The following PRLR variants were observed in gnomAD, a reference collection of about 807,000 sequenced individuals.
PRLR encodes the protein hPRL receptor.
Under a neutral mutation model 40.2 loss-of-function variants are expected in PRLR, and 13 were observed. The ratio of observed to expected loss-of-function variants is 0.32; its 90% CI spans 0.21 to 0.51. PRLR has a LOEUF of 0.51. PRLR is among the 20% of genes least tolerant of loss of function. The pLI is 0.97. For missense variants in PRLR, 656 were observed against 747.3 expected (o/e 0.88, Z 1.42); for synonymous variants, 269 against 278.7 (o/e 0.97, Z 0.35).
chr5:35,184,867 G>C (rs1235133316), intron 1 of PRLR, among the ~76,000 whole-genome samples: 1 of 152,258 alleles, frequency 6.6e-6, no homozygotes, highest in Non-Finnish European at 1.5e-5. Flanking sequence ...AAAAGGGGTA[G>C]TTAAGTTTAG....
At chr5:35,094,215 C>A (rs189870119) in intron 2 of PRLR, among the ~76,000 whole-genome samples, 2 of 152,354 alleles carry the variant, frequency 1.3e-5, no homozygotes, top group East Asian at 1.9e-4. Context: ...ATTCTTCCCA[C>A]TTCTAACAGT....
chr5:35,161,493 C>G (rs1455941820), intron 1 of PRLR, among the ~76,000 whole-genome samples: 1 of 152,204 alleles, frequency 6.6e-6, no homozygotes, highest in Non-Finnish European at 1.5e-5. Context: ...ATCCTGATCC[C>G]TAAAAATCAC....
chr5:35,090,090 G>A (rs541024375), intron 2 of PRLR, among the ~76,000 whole-genome samples: 65 of 152,300 alleles, frequency 4.3e-4, no homozygotes, highest in Non-Finnish European at 5.1e-4. Context: ...TGAAAAGTCA[G>A]TACCCTCAGT....
intron 1 of PRLR, among the ~76,000 whole-genome samples, chr5:35,191,409 C>T (rs1330165789): frequency 1.3e-5 from 2 of 152,038 alleles, no homozygotes; most frequent in Admixed American, 1.3e-4. Context: ...CCCCAGCCTG[C>T]CTTCCCCTTG....
chr5:35,135,337 T>A (rs1430993485), intron 1 of PRLR: 1 of 152,356 alleles, frequency 6.6e-6, no homozygotes, highest in Non-Finnish European at 1.5e-5. Context: ...AGCACACGCA[T>A]GTCCCACTGT....
intron 2 of PRLR, among the ~76,000 whole-genome samples, chr5:35,095,329 C>G (rs922486007): frequency 1.3e-5 from 2 of 152,176 alleles, no homozygotes; most frequent in African/African-American, 2.4e-5. Context: ...GTGAAGAAAA[C>G]AGAAAAAGAT....
intron 1 of PRLR, among the ~76,000 whole-genome samples, chr5:35,213,919 G>T (rs1202473489): frequency 6.6e-6 from 1 of 152,182 alleles, no homozygotes; most frequent in African/African-American, 2.4e-5. Context: ...CCCGGTCCTG[G>T]AGGCCTTTGT....
At chr5:35,167,151 AT>A (rs1774860438) in intron 1 of PRLR, among the ~76,000 whole-genome samples, 1 of 144,902 alleles carries the variant, frequency 6.9e-6, no homozygotes, top group Non-Finnish European at 1.6e-5. Flanking sequence ...CTATCTATCT[AT>A]CTATCTATCT....
intron 5 of PRLR, among the ~76,000 whole-genome samples, chr5:35,083,692 G>A (rs758711333): frequency 4.0e-5 from 6 of 151,506 alleles, no homozygotes; most frequent in Non-Finnish European, 8.8e-5. Flanking sequence ...GCTAATTTTT[G>A]TATTTTTAGT....
At chr5:35,229,977 G>A (rs1483884396) in intron 1 of PRLR, among the ~76,000 whole-genome samples, 2 of 152,350 alleles carry the variant, frequency 1.3e-5, no homozygotes, top group Middle Eastern at 3.4e-3. Flanking sequence ...TGCGAGCCGA[G>A]TGCAGTTTGT....
intron 1 of PRLR, among the ~76,000 whole-genome samples, chr5:35,191,366 G>T (rs981426693): frequency 9.1e-5 from 8 of 87,638 alleles, no homozygotes; most frequent in Non-Finnish European, 2.1e-4. Context: ...CACCGCGCCC[G>T]GCCCAGATGT....
chr5:35,090,971 C>T (rs943046494), intron 2 of PRLR, among the ~76,000 whole-genome samples: 9 of 151,798 alleles, frequency 5.9e-5, no homozygotes, highest in South Asian at 4.2e-4. Context: ...CCACGATGCC[C>T]GGCTAATTTT....
chr5:35,105,243 G>A (rs2111582904), intron 2 of PRLR, among the ~76,000 whole-genome samples: 1 of 152,064 alleles, frequency 6.6e-6, no homozygotes, highest in African/African-American at 2.4e-5. Flanking sequence ...AAAGACCAAA[G>A]GTAGATAAAA....
At chr5:35,049,320 C>T (rs1349192349) in exon 9 of PRLR, 1 of 703,278 alleles carries the variant, frequency 1.4e-6, no homozygotes, top group Non-Finnish European at 2.6e-6. Context: ...CCTTTGTGAA[C>T]ACCGCAAGTC....
intron 2 of PRLR, among the ~76,000 whole-genome samples, chr5:35,105,195 C>T (rs1276613854): frequency 6.6e-6 from 1 of 152,192 alleles, no homozygotes; most frequent in Non-Finnish European, 1.5e-5. Context: ...AACAGAAAGA[C>T]ATTCACACCA....
chr5:35,167,185 C>CTATA (rs1183622236), intron 1 of PRLR, among the ~76,000 whole-genome samples: 4 of 149,034 alleles, frequency 2.7e-5, no homozygotes, highest in African/African-American at 9.9e-5. Flanking sequence ...ATCTATCTAT[C>CTATA]TATCATCTAA....
At chr5:35,068,329 C>T in intron 8 of PRLR, 44 bp from the exon 9 acceptor site, 2 of 1,554,192 alleles carry the variant, frequency 1.3e-6, no homozygotes, top group East Asian at 2.2e-5. Context: ...TCATTTCTGA[C>T]TTTGTAATTT....
At chr5:35,117,892 G>C (rs1313909088) in intron 2 of PRLR, among the ~76,000 whole-genome samples, 169 bp downstream of exon 2, 2 of 152,192 alleles carry the variant, frequency 1.3e-5, no homozygotes, top group Admixed American at 6.5e-5. Context: ...TGGACAGGCT[G>C]GGGAGACTGA....
intron 1 of PRLR, among the ~76,000 whole-genome samples, chr5:35,129,018 G>C (rs565487080): frequency 6.6e-6 from 1 of 152,284 alleles, no homozygotes; most frequent in East Asian, 1.9e-4. Context: ...TCAGAGCAGG[G>C]ACTTCTGCCT....
Sources: allele counts gnomAD v4.1 joint callset (sites outside exome capture counted in the v4.1 genomes callset), GRCh38; gene constraint gnomAD v4.1.1; transcripts MANE v1.5; gene names NCBI Gene and HGNC (gene_info 2026-07-23, HGNC 2026-07-21).